Variants in TMEM132C observed in about 807,000 individuals in gnomAD.
The protein encoded by TMEM132C is transmembrane protein 132C.
A neutral mutation model predicts 61.4 loss-of-function variants in TMEM132C; 29 were observed. The ratio of observed to expected loss-of-function variants is 0.47; its 90% CI spans 0.35 to 0.64. The LOEUF is 0.64. Among genes scored for constraint, TMEM132C ranks in the 30% least tolerant of loss-of-function variants. TMEM132C has a pLI of 0.00. For missense variants in TMEM132C, 1,408 were observed against 1,476.9 expected, an observed-to-expected ratio of 0.95 and a Z score of 0.76; for synonymous variants, 656 against 633.1, an observed-to-expected ratio of 1.04 and a Z score of -0.54.
intron 8 of TMEM132C, among the ~76,000 whole-genome samples, chr12:128,701,752 C>G (rs1316228109): frequency 2.6e-5 from 4 of 152,166 alleles, no homozygotes; most frequent in African/African-American, 9.7e-5. Flanking sequence ...TTGTCTCCCA[C>G]TGCAGTAATT....
intron 1 of TMEM132C, among the ~76,000 whole-genome samples, chr12:128,315,630 T>C (rs1380679118): frequency 6.6e-6 from 1 of 152,128 alleles, no homozygotes; most frequent in African/African-American, 2.4e-5. Context: ...TGCACTGGAT[T>C]GAATAGTGGC....
intron 1 of TMEM132C, among the ~76,000 whole-genome samples, chr12:128,268,175 G>C (rs1013435808): frequency 6.6e-6 from 1 of 152,202 alleles, no homozygotes; most frequent in East Asian, 1.9e-4. Context: ...CCTCACCAGC[G>C]GTCCTGTCCG....
At chr12:128,303,689 C>T (rs941495934) in intron 1 of TMEM132C, among the ~76,000 whole-genome samples, 2 of 152,184 alleles carry the variant, frequency 1.3e-5, no homozygotes, top group Middle Eastern at 3.2e-3. Flanking sequence ...CTGTTTTCCT[C>T]GCTGCTGCTA....
chr12:128,282,073 C>T (rs2135899980), intron 1 of TMEM132C, among the ~76,000 whole-genome samples: 1 of 152,306 alleles, frequency 6.6e-6, no homozygotes, highest in African/African-American at 2.4e-5. Flanking sequence ...CAAGCTCAAA[C>T]ATTTAGAATA....
At chr12:128,451,173 G>T (rs6486647) in intron 2 of TMEM132C, among the ~76,000 whole-genome samples, 131,077 of 152,174 alleles carry the variant, frequency 0.86, 56,710 homozygotes, top group East Asian at 0.98. Context: ...GCTACTAAGG[G>T]GTTAGTCTGT....
At chr12:128,376,906 A>G (rs550168020) in intron 1 of TMEM132C, among the ~76,000 whole-genome samples, 2 of 152,174 alleles carry the variant, frequency 1.3e-5, no homozygotes, top group East Asian at 1.9e-4. Context: ...TATGGCGTGG[A>G]CCCCCAAAGC....
chr12:128,314,231 ATGTGT>A (rs893356204), intron 1 of TMEM132C, among the ~76,000 whole-genome samples: 42 of 152,156 alleles, frequency 2.8e-4, no homozygotes, highest in African/African-American at 9.7e-4. Context: ...GAAGGAAGAA[ATGTGT>A]TGTCCATTTC....
chr12:128,640,869 G>A (rs1234701272), intron 4 of TMEM132C, among the ~76,000 whole-genome samples: 1 of 152,208 alleles, frequency 6.6e-6, no homozygotes, highest in Admixed American at 6.5e-5. Flanking sequence ...CTGGGTGACA[G>A]AGCAAGAAGA....
intron 1 of TMEM132C, among the ~76,000 whole-genome samples, chr12:128,344,282 A>T (rs561709390): frequency 8.0e-4 from 121 of 152,100 alleles, no homozygotes; most frequent in Admixed American, 2.0e-3. Flanking sequence ...CTCAGCCTCC[A>T]GAGTAGCTGG....
At chr12:128,297,579 C>T (rs1753520283) in intron 1 of TMEM132C, among the ~76,000 whole-genome samples, 1 of 152,294 alleles carries the variant, frequency 6.6e-6, no homozygotes, top group South Asian at 2.1e-4. Flanking sequence ...CCTGCAAAAG[C>T]TGGCTTTGAA....
Position 128,570,200 on chromosome 12 carries a change from AC to A in TMEM132C, c.1121+26099del, listed in dbSNP as rs1874829481. Among the ~76,000 whole-genome samples the A allele has an allele frequency of 6.6e-6, 1 of 151,536 alleles. No homozygotes were observed. Among genetic ancestry groups the A allele is most frequent in the African/African-American group, 2.4e-5 (1 of 41,228 alleles). ...AATTCAAGGGCTGAAAAATATCTACACCTCCCCACCCCCGCACCCCCCACAC... is the reference window on the plus strand; with the variant it reads ...AATTCAAGGGCTGAAAAATATCTACACTCCCCACCCCCGCACCCCCCACAC... On this transcript the variant is annotated intron_variant, in intron 3 of 8. Coordinates refer to ENST00000435159, the MANE Select transcript of TMEM132C (RefSeq NM_001136103.3). The surrounding 1 kb of genome is among the most constrained non-coding windows in gnomAD (Gnocchi z 4.7).
chr12:128,581,046 C>T (rs1875315945), intron 3 of TMEM132C, among the ~76,000 whole-genome samples: 1 of 152,114 alleles, frequency 6.6e-6, no homozygotes, highest in African/African-American at 2.4e-5. Context: ...CCAAACCTCC[C>T]ACCCTCCAGA....
intron 3 of TMEM132C, among the ~76,000 whole-genome samples, chr12:128,589,061 A>G (rs563395126): frequency 2.6e-5 from 4 of 152,254 alleles, no homozygotes; most frequent in South Asian, 4.2e-4. Flanking sequence ...AGTATGACCA[A>G]CGACCACAGC....
chr12:128,365,735 C>T (rs1380975205), intron 1 of TMEM132C, among the ~76,000 whole-genome samples: 1 of 152,176 alleles, frequency 6.6e-6, no homozygotes. Flanking sequence ...CTCCCTGCCC[C>T]CACAGTTGTG....
intron 1 of TMEM132C, among the ~76,000 whole-genome samples, chr12:128,409,896 G>A (rs767079614): frequency 6.6e-6 from 1 of 152,150 alleles, no homozygotes; most frequent in African/African-American, 2.4e-5. Flanking sequence ...GAAAGAAGAC[G>A]ATGATGACAA....
rs144215194 is a variant in TMEM132C, at chr12:128,574,136, C to T, written c.1121+30033C>T. On this transcript the variant is annotated intron_variant, in intron 3 of 8. Coordinates refer to ENST00000435159, the MANE Select transcript of TMEM132C (RefSeq NM_001136103.3). ...TCCACAGCTGGGCCCTGGGCCAGAA[C>T]GCCACTTCCTTGCTCCTGGCAGATC... 4.0e-3 allele frequency among the ~76,000 whole-genome samples: 605 copies of T among 152,314 alleles called. 3 individuals carry two copies. Among genetic ancestry groups the T allele is most frequent in the Middle Eastern group, 0.01 (3 of 294 alleles).
Position 128,326,423 on chromosome 12 carries a change from C to T in TMEM132C, c.85+58936C>T, listed in dbSNP as rs1026617181. ...TGAATACTTCTGAGCCTTTGGCTGACGCTTATCCCCCTCTGGTTCAGATAT... is the reference window on the plus strand; with the variant it reads ...TGAATACTTCTGAGCCTTTGGCTGATGCTTATCCCCCTCTGGTTCAGATAT... On this transcript the variant is annotated intron_variant, in intron 1 of 8. Transcript: ENST00000435159. This position sits in a 1 kb window ranked among gnomAD's most constrained non-coding sequence, Gnocchi z 5.6. Among the ~76,000 whole-genome samples the T allele has an allele frequency of 1.3e-5, 2 of 151,224 alleles. No homozygotes were observed. The highest frequency in any genetic ancestry group is 1.5e-5 in the Non-Finnish European group (1 of 68,034).
At chr12:128,312,362 C>T (rs1250389768) in intron 1 of TMEM132C, among the ~76,000 whole-genome samples, 2 of 152,112 alleles carry the variant, frequency 1.3e-5, no homozygotes, top group Non-Finnish European at 2.9e-5. Context: ...GGCTGGAGTG[C>T]AGTGGCACAA....
intron 2 of TMEM132C, among the ~76,000 whole-genome samples, chr12:128,475,306 T>C (rs1871122382): frequency 6.6e-6 from 1 of 152,242 alleles, no homozygotes; most frequent in Non-Finnish European, 1.5e-5. Context: ...TGTACTTATT[T>C]CTATTCCATT....
Sources: gnomAD v4.1 joint callset for allele counts (sites outside exome capture counted in the v4.1 genomes callset) on GRCh38, gnomAD v4.1.1 for gene constraint, Gnocchi (gnomAD v3.1) non-coding constraint, MANE v1.5 for transcripts, NCBI Gene and HGNC (gene_info 2026-07-23, HGNC 2026-07-21) for gene names.